The following CDH18 variants were observed in gnomAD, a reference collection of about 807,000 sequenced individuals.
CDH18 encodes cadherin 18.
CDH18 carries 31 observed loss-of-function variants against 67.9 expected under a neutral mutation model. That is an observed-to-expected ratio of 0.46 (90% CI 0.34 to 0.62). CDH18 has a LOEUF of 0.62. Among genes scored for constraint, CDH18 ranks in the 20% least tolerant of loss-of-function variants. The probability of loss-of-function intolerance (pLI) is 0.01; values close to 1 mark genes in which losing one functional copy is unlikely to be tolerated. For missense variants in CDH18, 890 were observed against 975.5 expected (o/e 0.91, Z 1.17); for synonymous variants, 362 against 347.2 (o/e 1.04, Z -0.48).
intron 1 of CDH18, among the ~76,000 whole-genome samples, chr5:20,340,059 G>C (rs528054255): frequency 5.7e-4 from 87 of 152,256 alleles, no homozygotes; most frequent in African/African-American, 1.9e-3. Context: ...GTGTATATTA[G>C]AGGGCTCACA....
At chr5:20,355,954 G>A in intron 1 of CDH18, among the ~76,000 whole-genome samples, 1 of 152,144 alleles carries the variant, frequency 6.6e-6, no homozygotes, top group East Asian at 1.9e-4. Context: ...TGATTTAACA[G>A]ATACAAATAA....
intron 3 of CDH18, 44 bp from the exon 4 acceptor site, chr5:19,747,280 A>G (rs750428258): frequency 3.3e-6 from 5 of 1,501,068 alleles, no homozygotes; most frequent in Non-Finnish European, 4.6e-6. Context: ...TTTATATTCC[A>G]ACCTCACATT....
At chr5:19,933,185 T>G (rs1394104683) in intron 2 of CDH18, among the ~76,000 whole-genome samples, 1 of 151,536 alleles carries the variant, frequency 6.6e-6, no homozygotes. Flanking sequence ...TTAACCAGGA[T>G]AAGAAGAGAC....
intron 1 of CDH18, among the ~76,000 whole-genome samples, chr5:20,343,244 T>A: frequency 6.6e-6 from 1 of 152,168 alleles, no homozygotes; most frequent in East Asian, 1.9e-4. Context: ...CTAATCACAA[T>A]GTTCCTAGAA....
chr5:20,005,813 A>G (rs1736855481), intron 2 of CDH18, among the ~76,000 whole-genome samples: 1 of 152,006 alleles, frequency 6.6e-6, no homozygotes, highest in Non-Finnish European at 1.5e-5. Flanking sequence ...GACCAACTAA[A>G]TTAGCTTCTT....
In CDH18 at chr5:19,907,624, A is replaced by C. The variant is rs114626572; in HGVS notation, c.-256-68382T>G. On this transcript the variant is annotated intron_variant, in intron 2 of 12. Transcript: ENST00000382275. ...TTAAGGATGCTCAATCTGAGGTATA[A>C]AAATTTAAATAGCCTCATAAGGCTA... 5.8e-3 allele frequency among the ~76,000 whole-genome samples: 881 copies of C among 152,120 alleles called. 12 individuals are homozygous for C. The highest frequency in any genetic ancestry group is 0.02 in the African/African-American group (836 of 41,536).
chr5:20,369,016 G>A (rs1742752170), intron 1 of CDH18, among the ~76,000 whole-genome samples: 2 of 151,954 alleles, frequency 1.3e-5, no homozygotes, highest in African/African-American at 4.8e-5. Flanking sequence ...TTTATCTTGG[G>A]ACTCAGCTTT....
At chr5:19,833,655 G>T (rs1036143861) in intron 3 of CDH18, among the ~76,000 whole-genome samples, 5 of 151,734 alleles carry the variant, frequency 3.3e-5, no homozygotes, top group African/African-American at 1.2e-4. Flanking sequence ...TTGGATGTGG[G>T]TTTGTCATGA....
At chr5:19,914,206 G>A (rs1207717789) in intron 2 of CDH18, among the ~76,000 whole-genome samples, 1 of 152,050 alleles carries the variant, frequency 6.6e-6, no homozygotes, top group Admixed American at 6.6e-5. Flanking sequence ...TGTCTTATAT[G>A]CAGTAGGGTA....
At chr5:19,624,045 T>A (rs1361275706) in intron 5 of CDH18, among the ~76,000 whole-genome samples, 1 of 150,248 alleles carries the variant, frequency 6.7e-6, no homozygotes. Flanking sequence ...TTCACTCTTG[T>A]TCCCCCAGCT....
rs182283132 is a variant in CDH18, at chr5:20,030,763, T to C, written c.-517-38749A>G. ...ATATTAGGAATTACGAGTTAGGCCA[T>C]GCAGAGTGTCCTACACTATCTGAAA... On this transcript the variant is annotated intron_variant, in intron 2 of 14. Transcript: ENST00000507958. 4.6e-5 allele frequency among the ~76,000 whole-genome samples: 7 copies of C among 152,296 alleles called. No individual in the cohort carries two copies. In the East Asian group the frequency reaches 1.4e-3, roughly 29 times the overall value.
At chr5:20,262,522 A>T (rs1744730743) in intron 1 of CDH18, among the ~76,000 whole-genome samples, 1 of 152,132 alleles carries the variant, frequency 6.6e-6, no homozygotes, top group Admixed American at 6.6e-5. Context: ...TCAAAAATTA[A>T]ATTAAGGTAG....
At chr5:19,970,257 A>G (rs1313070123) in intron 2 of CDH18, among the ~76,000 whole-genome samples, 2 of 151,320 alleles carry the variant, frequency 1.3e-5, no homozygotes, top group Non-Finnish European at 2.9e-5. Context: ...ATATATAAAT[A>G]TCACAAGAAT....
At chr5:19,904,561 C>G (rs78124738) in intron 2 of CDH18, among the ~76,000 whole-genome samples, 172 of 152,180 alleles carry the variant, frequency 1.1e-3, no homozygotes, top group African/African-American at 3.9e-3. Context: ...TCTCTTTATA[C>G]GTAAGTTCTT....
At chr5:19,574,893 G>T (rs184598314) in intron 7 of CDH18, among the ~76,000 whole-genome samples, 1 of 152,158 alleles carries the variant, frequency 6.6e-6, no homozygotes, top group Non-Finnish European at 1.5e-5. Context: ...ACAAAAATTA[G>T]CCGGGTGTGG....
At chr5:20,263,608 G>C (rs187306690) in intron 1 of CDH18, among the ~76,000 whole-genome samples, 35 of 151,912 alleles carry the variant, frequency 2.3e-4, no homozygotes, top group Non-Finnish European at 4.4e-4. Context: ...TTGATGCATG[G>C]GTAAAAAAAT....
intron 2 of CDH18, among the ~76,000 whole-genome samples, chr5:19,888,147 C>T (rs1314606245): frequency 6.6e-6 from 1 of 152,028 alleles, no homozygotes; most frequent in Non-Finnish European, 1.5e-5. Flanking sequence ...TAGTGCTAGC[C>T]CTCTACCCTT....
At chr5:19,804,566 C>A (rs1482408959) in intron 3 of CDH18, among the ~76,000 whole-genome samples, 4 of 152,260 alleles carry the variant, frequency 2.6e-5, no homozygotes, top group African/African-American at 9.6e-5. Context: ...TTCTACTCTT[C>A]AGGTATATAA....
intron 5 of CDH18, among the ~76,000 whole-genome samples, chr5:19,696,125 G>A (rs1580918308): frequency 6.6e-6 from 1 of 151,954 alleles, no homozygotes; most frequent in East Asian, 1.9e-4. Context: ...ATACTTTATT[G>A]GCAAAGATAT....
Sources: allele counts gnomAD v4.1 joint callset (sites outside exome capture counted in the v4.1 genomes callset), GRCh38; gene constraint gnomAD v4.1.1; transcripts MANE v1.5; gene names NCBI Gene and HGNC (gene_info 2026-07-23, HGNC 2026-07-21).